The following ADAMTSL2 variants were observed in gnomAD, a reference collection of about 807,000 sequenced individuals.
The protein encoded by ADAMTSL2 is ADAMTS-like protein 2.
A neutral mutation model predicts 117.0 loss-of-function variants in ADAMTSL2; 55 were observed. That is an observed-to-expected ratio of 0.47 (90% CI 0.38 to 0.59). ADAMTSL2 has a LOEUF of 0.59. ADAMTSL2 is among the 20% of genes least tolerant of loss of function. ADAMTSL2 has a pLI of 0.00. For synonymous variants in ADAMTSL2, 572 were observed against 566.4 expected (o/e 1.01, Z -0.14); for missense variants, 1,182 against 1,354.5 (o/e 0.87, Z 2.00).
intron 7 of ADAMTSL2, 128 bp from the exon 8 acceptor site, chr9:133,544,342 C>A: frequency 1.2e-6 from 1 of 819,214 alleles, no homozygotes; most frequent in Non-Finnish European, 2.2e-6. Context: ...GCTACACAAG[C>A]GGGTGTGGGG....
In ADAMTSL2 at chr9:133,575,134, G is replaced by A; in HGVS notation, c.*270G>A. ...GTTCCTGCGTGGATCCTGTGTTTGTGGCTCCCACTCCCCAGCCCCCCAGCA... is the reference window on the plus strand; with the variant it reads ...GTTCCTGCGTGGATCCTGTGTTTGTAGCTCCCACTCCCCAGCCCCCCAGCA... On this transcript the variant is annotated 3_prime_UTR_variant, in exon 19 of 19. Coordinates refer to ENST00000651351, the MANE Select transcript of ADAMTSL2 (RefSeq NM_014694.4). 2.0e-6 allele frequency: 1 copy of A among 505,244 alleles called. No individual in the cohort carries two copies. The allele number at this position is 505,244 out of a possible 1,614,324, so 31.3% of individuals were successfully genotyped here. A position where few individuals can be genotyped will look rare whatever the true frequency, so the allele number is the denominator to read the frequency against.
chr9:133,536,753 T>C lies in ADAMTSL2; in HGVS notation c.41T>C (p.Leu14Pro). ...RWQCSCWAWF[L>P]LVLAVVAGDT... ...CAATGTTCCTGCTGGGCCTGGTTCC[T>C]GCTGGTTCTGGCAGTTGTAGCTGGG... Residue 14 changes from leucine (L) to proline (P), a missense_variant, in exon 2 of 19, where the codon CTG becomes CCG. Leu to Pro is a moderately conservative substitution (Grantham distance 98). Coordinates refer to ENST00000651351, the MANE Select transcript of ADAMTSL2 (RefSeq NM_014694.4). 4 of 1,614,260 alleles carry C rather than the reference T, an allele frequency of 2.5e-6. No homozygotes were observed. Among genetic ancestry groups the C allele is most frequent in the Non-Finnish European group, 3.4e-6 (4 of 1,180,054 alleles).
At chr9:133,570,540 TG>T in intron 17 of ADAMTSL2, 33 bp downstream of exon 17, 1 of 1,594,862 alleles carries the variant, frequency 6.3e-7, no homozygotes. Context: ...TGAGGTTGCC[TG>T]AGGCCAGACC....
chr9:133,538,819 A>G (rs763878389), intron 4 of ADAMTSL2, among the ~76,000 whole-genome samples: 2 of 152,018 alleles, frequency 1.3e-5, no homozygotes, highest in African/African-American at 4.8e-5. Flanking sequence ...CCCACGCCAT[A>G]AAACAGTTCC....
chr9:133,566,324 C>T (rs1830971918), intron 12 of ADAMTSL2, among the ~76,000 whole-genome samples: 1 of 152,190 alleles, frequency 6.6e-6, no homozygotes, highest in African/African-American at 2.4e-5. Context: ...GCCTGTAATC[C>T]CAGCTACTCG....
Position 133,547,007 on chromosome 9 carries a change from C to T in ADAMTSL2, c.764-31C>T, listed in dbSNP as rs376825762. Reference sequence around the variant, plus strand: ...CTGGCTCCTCCCCCAGCCAGTTTGGCCTTTTGTGACCGGCGGCTTTGCCCT... The same window carrying T: ...CTGGCTCCTCCCCCAGCCAGTTTGGTCTTTTGTGACCGGCGGCTTTGCCCT... On this transcript the variant is annotated intron_variant, in intron 8 of 18. Coordinates refer to ENST00000651351, the MANE Select transcript of ADAMTSL2 (RefSeq NM_014694.4). 2.0e-4 allele frequency: 322 copies of T among 1,613,016 alleles called. 1 individual carries two copies. Among genetic ancestry groups the T allele is most frequent in the South Asian group, 3.0e-4 (27 of 91,024 alleles).
Position 133,534,870 on chromosome 9 carries a change from A to G in ADAMTSL2, c.-198A>G. 1 of 1,481,706 alleles carries G rather than the reference A, an allele frequency of 6.7e-7. No individual in the cohort carries two copies. Among genetic ancestry groups the G allele is most frequent in the South Asian group, 1.3e-5 (1 of 76,626 alleles). The allele number at this position is 1,481,706 out of a possible 1,614,324, so 91.8% of individuals were successfully genotyped here. On this transcript the variant is annotated 5_prime_UTR_variant, in exon 1 of 19. Transcript: ENST00000651351. ...GCACCTGGCGCCGTCTGCCCTCCGC[A>G]GCGCTCGCCCCTTTCTCTGGGAGGA...
chr9:133,560,302 C>T (rs1830696032), intron 11 of ADAMTSL2, among the ~76,000 whole-genome samples: 1 of 152,168 alleles, frequency 6.6e-6, no homozygotes, highest in South Asian at 2.1e-4. Context: ...AAAAGGAAGT[C>T]GAGGCTCGAA....
chr9:133,566,804 C>T (rs1449043283), intron 12 of ADAMTSL2, 132 bp from the exon 13 acceptor site: 8 of 1,238,154 alleles, frequency 6.5e-6, no homozygotes, highest in African/African-American at 1.5e-5. Context: ...CACAGTTGCA[C>T]AAGCTGTGAC....
rs1451429736 is a variant in ADAMTSL2, at chr9:133,554,196, G to A, written c.940-161G>A. 2.0e-5 allele frequency among the ~76,000 whole-genome samples: 3 copies of A among 152,222 alleles called. No homozygotes were observed. The East Asian group carries it at 5.8e-4, about 29-fold the overall frequency. ...CTTTGACTTGGATGCCCCTGGGGCAGGAGCACTGCGTTGGGCTGGGCTAGT... is the reference window on the plus strand; with the variant it reads ...CTTTGACTTGGATGCCCCTGGGGCAAGAGCACTGCGTTGGGCTGGGCTAGT... On this transcript the variant is annotated intron_variant, in intron 9 of 18. Coordinates refer to ENST00000651351, the MANE Select transcript of ADAMTSL2 (RefSeq NM_014694.4). The surrounding 1 kb of genome is among the most constrained non-coding windows in gnomAD (Gnocchi z 5.2).
intron 9 of ADAMTSL2, among the ~76,000 whole-genome samples, chr9:133,549,344 G>A (rs1830429897): frequency 6.6e-6 from 1 of 152,094 alleles, no homozygotes; most frequent in African/African-American, 2.4e-5. Context: ...TTTCCCCTTA[G>A]CCTGGCTTAG....
At chr9:133,573,406 G>A (rs1831155783) in intron 17 of ADAMTSL2, among the ~76,000 whole-genome samples, 2 of 152,228 alleles carry the variant, frequency 1.3e-5, no homozygotes, top group African/African-American at 4.8e-5. Flanking sequence ...ACCCAGGAAA[G>A]CTGGGGCCAG....
At chr9:133,532,458 A>C (rs1356121654), upstream of ADAMTSL2, 1 of 152,164 alleles carries the variant, frequency 6.6e-6, no homozygotes, top group African/African-American at 2.4e-5. Context: ...CAGCCTCTCA[A>C]ACTGCTGGGA....
At position 133,544,441 on chromosome 9, in the gene ADAMTSL2, G is replaced by A. The variant is rs138789954; in HGVS notation, c.683-29G>A. The A allele has an allele frequency of 2.3e-3, 3,721 of 1,585,184 alleles. 9 individuals carry two copies. The highest frequency in any genetic ancestry group is 2.9e-3 in the Non-Finnish European group (3,378 of 1,153,330). On this transcript the variant is annotated intron_variant, in intron 7 of 18. Coordinates refer to ENST00000651351, the MANE Select transcript of ADAMTSL2 (RefSeq NM_014694.4). ...CCCAAGGCTGCCTTTCCAATCAAGA[G>A]GGGCTCACTGTCATCCTTTTGCCTC...
At chr9:133,560,591 C>T (rs1205472429) in intron 11 of ADAMTSL2, among the ~76,000 whole-genome samples, 2 of 152,252 alleles carry the variant, frequency 1.3e-5, no homozygotes, top group African/African-American at 2.4e-5. Context: ...TGGCTGGGAC[C>T]CAGCGTGCCT....
At chr9:133,539,261 G>A (rs1348607765) in intron 4 of ADAMTSL2, among the ~76,000 whole-genome samples, 1 of 152,182 alleles carries the variant, frequency 6.6e-6, no homozygotes, top group Admixed American at 6.5e-5. Context: ...CTCTGGCCCC[G>A]GCACGACTAA....
At chr9:133,538,080 T>C (rs979251014) in intron 3 of ADAMTSL2, among the ~76,000 whole-genome samples, 1 of 152,244 alleles carries the variant, frequency 6.6e-6, no homozygotes, top group Non-Finnish European at 1.5e-5. Context: ...TGTGTGCACC[T>C]GGGCACAGGC....
At chr9:133,569,328 C>T in intron 15 of ADAMTSL2, 80 bp from the exon 16 acceptor site, 1 of 1,480,448 alleles carries the variant, frequency 6.8e-7, no homozygotes, top group Non-Finnish European at 9.3e-7. Flanking sequence ...CCACTCCTCT[C>T]CCTTGGGACT....
intron 1 of ADAMTSL2, among the ~76,000 whole-genome samples, chr9:133,535,512 C>G (rs750045134): frequency 2.0e-5 from 3 of 152,160 alleles, no homozygotes; most frequent in Non-Finnish European, 4.4e-5. Flanking sequence ...TGCAAGGAAA[C>G]TCTTCAAGTT....
Sources: gnomAD v4.1 joint callset for allele counts (sites outside exome capture counted in the v4.1 genomes callset) on GRCh38, gnomAD v4.1.1 for gene constraint, Gnocchi (gnomAD v3.1) non-coding constraint, MANE v1.5 for transcripts, NCBI Gene and HGNC (gene_info 2026-07-23, HGNC 2026-07-21) for gene names.